GOSR1: variants seen among roughly 807,000 people sequenced by gnomAD.
The protein encoded by GOSR1 is golgi SNAP receptor complex member 1.
Under a neutral mutation model 35.5 loss-of-function variants are expected in GOSR1, and 21 were observed. That is an observed-to-expected ratio of 0.59 (90% confidence interval 0.42 to 0.85). GOSR1 has a LOEUF of 0.85. GOSR1 is among the 40% of genes least tolerant of loss of function. The probability of loss-of-function intolerance (pLI) is 0.00; values close to 1 mark genes in which losing one functional copy is unlikely to be tolerated. For missense variants in GOSR1, 285 were observed against 309.6 expected (o/e 0.92, Z 0.60); for synonymous variants, 94 against 106.6 (o/e 0.88, Z 0.73).
At chr17:30,510,725 A>C in intron 6 of GOSR1, 155 bp from the exon 7 acceptor site, 1 of 513,490 alleles carries the variant, frequency 1.9e-6, no homozygotes, top group South Asian at 2.8e-5. Flanking sequence ...AAAAAGAAAA[A>C]AATTAGAGTC....
At chr17:30,521,124 T>C (rs561046009) in intron 8 of GOSR1, among the ~76,000 whole-genome samples, 3 of 151,434 alleles carry the variant, frequency 2.0e-5, no homozygotes, top group African/African-American at 7.3e-5. Flanking sequence ...TGTGACCTCT[T>C]CTCTACTGCT....
chr17:30,513,886 C>G (rs989911563), intron 7 of GOSR1, among the ~76,000 whole-genome samples: 1 of 152,158 alleles, frequency 6.6e-6, no homozygotes, highest in Non-Finnish European at 1.5e-5. Context: ...GAGGTCAAGG[C>G]TGCCATGATG....
At chr17:30,496,123 C>G (rs1435418893) in intron 6 of GOSR1, among the ~76,000 whole-genome samples, 1 of 152,138 alleles carries the variant, frequency 6.6e-6, no homozygotes, top group Non-Finnish European at 1.5e-5. Context: ...TTACCCCTTT[C>G]CTATAGTTGT....
intron 6 of GOSR1, among the ~76,000 whole-genome samples, chr17:30,496,445 T>C (rs1967005821): frequency 1.3e-5 from 2 of 152,238 alleles, no homozygotes; most frequent in South Asian, 4.1e-4. Context: ...CTTGAAACCC[T>C]AGGCTACTGT....
Position 30,513,585 on chromosome 17 carries a change from C to G in GOSR1, c.539+2676C>G, listed in dbSNP as rs542931314. Among the ~76,000 whole-genome samples, 7 of 152,252 alleles carry G rather than the reference C, an allele frequency of 4.6e-5. No homozygotes were observed. The South Asian group carries it at 1.2e-3, about 27-fold the overall frequency. ...TCCCCAAGGAATACAAAGTGCTTTG[C>G]AGAAATTATTTTTTAACCTCTGTCC... On this transcript the variant is annotated intron_variant, in intron 7 of 8. Transcript: ENST00000451249.
chr17:30,514,859 A>G (rs1039588967), intron 7 of GOSR1, among the ~76,000 whole-genome samples: 2 of 152,176 alleles, frequency 1.3e-5, no homozygotes, highest in Non-Finnish European at 2.9e-5. Flanking sequence ...TTACATTTTT[A>G]TATCAGCTCT....
At chr17:30,510,371 G>A (rs568023443) in intron 6 of GOSR1, among the ~76,000 whole-genome samples, 1 of 152,212 alleles carries the variant, frequency 6.6e-6, no homozygotes, top group Admixed American at 6.5e-5. Context: ...ACCGTGCCTG[G>A]TCGTAAGATG....
At chr17:30,494,887 C>T (rs1464580984) in intron 6 of GOSR1, among the ~76,000 whole-genome samples, 1 of 150,962 alleles carries the variant, frequency 6.6e-6, no homozygotes, top group Non-Finnish European at 1.5e-5. Context: ...GGATTACAGG[C>T]GTGAGGCAAT....
intron 5 of GOSR1, 92 bp downstream of exon 5, chr17:30,490,309 C>T (rs1914961408): frequency 3.2e-6 from 2 of 625,028 alleles, no homozygotes; most frequent in Middle Eastern, 2.6e-4. Flanking sequence ...GTGGCAGAAC[C>T]GTGGTTGAGA....
At chr17:30,518,067 A>G (rs1361454475) in intron 7 of GOSR1, among the ~76,000 whole-genome samples, 1 of 152,160 alleles carries the variant, frequency 6.6e-6, no homozygotes, top group South Asian at 2.1e-4. Flanking sequence ...TTCTGGCTGC[A>G]TGTAGCAGTC....
intron 4 of GOSR1, among the ~76,000 whole-genome samples, chr17:30,488,164 C>CTTTT (rs1165032726): frequency 4.3e-5 from 5 of 116,934 alleles, no homozygotes; most frequent in African/African-American, 1.7e-4. Context: ...TTTAAATATA[C>CTTTT]TTTTTTTTTT....
chr17:30,478,652 GT>G, intron 1 of GOSR1: 1 of 150,496 alleles, frequency 6.6e-6, no homozygotes. Flanking sequence ...CGCCTCCTGC[GT>G]TCAAGCGATT....
At chr17:30,478,854 C>A (rs1914135444) in intron 1 of GOSR1, 1 of 152,150 alleles carries the variant, frequency 6.6e-6, no homozygotes, top group Non-Finnish European at 1.5e-5. Flanking sequence ...CGCGCCTGGC[C>A]GCTAGAAAAC....
intron 6 of GOSR1, among the ~76,000 whole-genome samples, chr17:30,504,664 C>T (rs188186297): frequency 2.0e-5 from 3 of 152,256 alleles, no homozygotes; most frequent in Admixed American, 1.3e-4. Context: ...GTACTCATTA[C>T]GTAATGAGTA....
At chr17:30,490,907 A>G (rs1915001771) in intron 5 of GOSR1, among the ~76,000 whole-genome samples, 1 of 152,218 alleles carries the variant, frequency 6.6e-6, no homozygotes. Flanking sequence ...GAAGCTGAAG[A>G]TGTTCCAATT....
chr17:30,494,549 A>G (rs910492950), intron 6 of GOSR1, among the ~76,000 whole-genome samples: 1 of 152,108 alleles, frequency 6.6e-6, no homozygotes, highest in Non-Finnish European at 1.5e-5. Context: ...TTGAAAAAGT[A>G]TCTAGTTAAT....
intron 7 of GOSR1, among the ~76,000 whole-genome samples, chr17:30,514,020 A>T (rs1029532432): frequency 1.3e-5 from 2 of 152,256 alleles, no homozygotes; most frequent in African/African-American, 2.4e-5. Flanking sequence ...ATACAAGACC[A>T]TAGTATCTAC....
intron 6 of GOSR1, among the ~76,000 whole-genome samples, chr17:30,507,881 C>T (rs942684622): frequency 2.6e-5 from 4 of 152,060 alleles, no homozygotes; most frequent in Admixed American, 6.5e-5. Context: ...CTGGTGAAGA[C>T]GCTGTAAACA....
chr17:30,514,831 C>G (rs1967739428), intron 7 of GOSR1, among the ~76,000 whole-genome samples: 1 of 152,136 alleles, frequency 6.6e-6, no homozygotes, highest in Non-Finnish European at 1.5e-5. Context: ...TACTGAATTT[C>G]TCCTTCCAAT....
Sources: allele counts gnomAD v4.1 joint callset (sites outside exome capture counted in the v4.1 genomes callset), GRCh38; gene constraint gnomAD v4.1.1; transcripts MANE v1.5; gene names NCBI Gene and HGNC (gene_info 2026-07-23, HGNC 2026-07-21).